TRIO: variants seen among roughly 807,000 people sequenced by gnomAD.
TRIO encodes the protein triple functional domain protein.
Under a neutral mutation model 351.9 loss-of-function variants are expected in TRIO, and 58 were observed. That is an observed-to-expected ratio of 0.16 (90% CI 0.13 to 0.21). The LOEUF (loss-of-function observed/expected upper bound fraction) is 0.21, where lower values mean the gene tolerates loss of function less well. Among genes scored for constraint, TRIO ranks in the 10% least tolerant of loss-of-function variants. The pLI is 1.00. For synonymous variants in TRIO, 1,758 were observed against 1,595.7 expected, an observed-to-expected ratio of 1.10 and a Z score of -2.42; for missense variants, 3,201 against 4,027.8, an observed-to-expected ratio of 0.79 and a Z score of 5.56.
intron 33 of TRIO, among the ~76,000 whole-genome samples, chr5:14,417,871 A>G (rs1278599641): frequency 1.3e-5 from 2 of 152,190 alleles, no homozygotes; most frequent in Non-Finnish European, 2.9e-5. Flanking sequence ...GATGCGGAGC[A>G]CAGTGCGAGG....
intron 37 of TRIO, among the ~76,000 whole-genome samples, chr5:14,469,145 AAAC>A (rs1166898573): frequency 2.0e-5 from 3 of 152,252 alleles, no homozygotes; most frequent in Non-Finnish European, 2.9e-5. Context: ...GATGTTAGAA[AAAC>A]AACAAAATAA....
intron 8 of TRIO, among the ~76,000 whole-genome samples, chr5:14,306,574 C>T (rs533058796): frequency 6.6e-6 from 1 of 152,352 alleles, no homozygotes; most frequent in Admixed American, 6.5e-5. Flanking sequence ...TGCTTTGGAG[C>T]TGTTCTTTGA....
chr5:14,355,883 A>G lies in TRIO; in HGVS notation c.2047-2295A>G, dbSNP rs79515925. On this transcript the variant is annotated intron_variant, in intron 11 of 56. Transcript: ENST00000344204. ...TTCTTTCTGATACCAGCTTTTGGGCATAGTACTTCATCACCTGGGGCTTCT... is the reference window on the plus strand; with the variant it reads ...TTCTTTCTGATACCAGCTTTTGGGCGTAGTACTTCATCACCTGGGGCTTCT... Among the ~76,000 whole-genome samples, 866 of 152,318 alleles carry G rather than the reference A, an allele frequency of 5.7e-3. 1 individual carries two copies. The highest frequency in any genetic ancestry group is 0.01 in the Non-Finnish European group (706 of 68,020).
intron 9 of TRIO, among the ~76,000 whole-genome samples, chr5:14,323,642 T>C (rs773241121): frequency 2.2e-4 from 34 of 152,244 alleles, no homozygotes; most frequent in Non-Finnish European, 4.6e-4. Context: ...GCATGGCGAT[T>C]AGACAGCTGG....
At chr5:14,503,753 G>T (rs1257572751) in intron 54 of TRIO, among the ~76,000 whole-genome samples, 1 of 152,186 alleles carries the variant, frequency 6.6e-6, no homozygotes. Context: ...CAAAACCGTG[G>T]CCTTTAACCA....
At chr5:14,217,774 T>C (rs958074999) in intron 1 of TRIO, among the ~76,000 whole-genome samples, 1 of 152,142 alleles carries the variant, frequency 6.6e-6, no homozygotes, top group African/African-American at 2.4e-5. Flanking sequence ...GGGCCTCTGG[T>C]GTGTGATTGT....
At chr5:14,264,768 G>C (rs772695026) in intron 1 of TRIO, among the ~76,000 whole-genome samples, 2 of 152,214 alleles carry the variant, frequency 1.3e-5, no homozygotes, top group Non-Finnish European at 2.9e-5. Flanking sequence ...ATAATCCTGC[G>C]GGCTCCGCAG....
intron 6 of TRIO, among the ~76,000 whole-genome samples, chr5:14,294,318 A>G (rs1320919187): frequency 6.6e-6 from 1 of 152,260 alleles, no homozygotes; most frequent in African/African-American, 2.4e-5. Flanking sequence ...AGATTTTGCA[A>G]TATAATTTTT....
Position 14,508,095 on chromosome 5 carries a change from G to C in TRIO, c.8967G>C (p.Val2989=), listed in dbSNP as rs148352486. The C allele has an allele frequency of 6.5e-5, 105 of 1,614,094 alleles. No individual in the cohort carries two copies. The highest frequency in any genetic ancestry group is 8.5e-5 in the Non-Finnish European group (100 of 1,180,056). Residue 2989 remains valine, a synonymous_variant, in exon 57 of 57, where the codon GTG becomes GTC. Coordinates refer to ENST00000344204, the MANE Select transcript of TRIO (RefSeq NM_007118.4). ...TCACATACGTACTTCTTAGTGGCGTGTCCCCCTTCCTGGATGACAGTGTGG... is the reference window on the plus strand; with the variant it reads ...TCACATACGTACTTCTTAGTGGCGTCTCCCCCTTCCTGGATGACAGTGTGG... ...GVLTYVLLSG[V]SPFLDDSVEE...
At chr5:14,158,625 A>G (rs1340232539) in intron 1 of TRIO, among the ~76,000 whole-genome samples, 1 of 152,186 alleles carries the variant, frequency 6.6e-6, no homozygotes, top group African/African-American at 2.4e-5. Context: ...TGAGCCCAGC[A>G]GTTTGAGACC....
At chr5:14,306,843 G>A (rs1738417957) in intron 8 of TRIO, among the ~76,000 whole-genome samples, 1 of 152,086 alleles carries the variant, frequency 6.6e-6, no homozygotes, top group Admixed American at 6.5e-5. Context: ...CTATAAAAAT[G>A]GGGCATCTTG....
intron 1 of TRIO, among the ~76,000 whole-genome samples, chr5:14,229,256 T>G (rs368012316): frequency 6.6e-6 from 1 of 152,236 alleles, no homozygotes; most frequent in African/African-American, 2.4e-5. Context: ...ATAAATACTT[T>G]AGTCTCTATC....
intron 33 of TRIO, among the ~76,000 whole-genome samples, chr5:14,416,272 A>G (rs1302717498): frequency 6.0e-5 from 9 of 148,832 alleles, no homozygotes; most frequent in Admixed American, 1.4e-4. Context: ...AATAGTTATC[A>G]CAAGTCTTTT....
chr5:14,423,048 G>T (rs1034382741), intron 34 of TRIO, among the ~76,000 whole-genome samples: 3 of 152,232 alleles, frequency 2.0e-5, no homozygotes, highest in Admixed American at 1.3e-4. Flanking sequence ...CTTCGTGTCT[G>T]ATGGCGCCTT....
Position 14,406,662 on chromosome 5 carries a change from A to G in TRIO, c.4949A>G (p.Asp1650Gly), listed in dbSNP as rs1440179550. The G allele has an allele frequency of 6.2e-7, 1 of 1,613,940 alleles. No individual in the cohort carries two copies. The highest frequency in any genetic ancestry group is 1.3e-5 in the African/African-American group (1 of 75,060). The part of the protein sequence containing the change: ...IASRTSQNTL[D>G]SDKLSGGCEL... ...TCACGGACGTCTCAGAACACGCTGG[A>G]CAGCGATAAGGTGAGTCACTGCCGG... The change falls in exon 33 of 57, where the codon GAC becomes GGC. Residue 1650 changes from aspartate (D) to glycine (G), a missense_variant. By Grantham distance (94) the Asp-to-Gly change is moderately conservative (BLOSUM62 -1). Coordinates refer to ENST00000344204, the MANE Select transcript of TRIO (RefSeq NM_007118.4).
intron 48 of TRIO, 148 bp downstream of exon 48, chr5:14,488,408 C>G (rs1025544423): frequency 1.2e-5 from 15 of 1,265,228 alleles, no homozygotes; most frequent in Middle Eastern, 2.7e-4. Flanking sequence ...GCTAACCCTC[C>G]TGCGGGCCGG....
chr5:14,398,661 T>C (rs993947113), intron 29 of TRIO, among the ~76,000 whole-genome samples: 3 of 152,114 alleles, frequency 2.0e-5, no homozygotes, highest in Non-Finnish European at 2.9e-5. Flanking sequence ...TCGCAAAATG[T>C]TTTTGAACAA....
At chr5:14,479,465 G>C (rs997791441) in intron 42 of TRIO, 115 bp downstream of exon 42, 9 of 837,036 alleles carry the variant, frequency 1.1e-5, no homozygotes, top group East Asian at 2.7e-5. Flanking sequence ...AAATTAGCCT[G>C]AGTGATAAGA....
At chr5:14,295,497 T>C (rs1737278060) in intron 6 of TRIO, among the ~76,000 whole-genome samples, 1 of 152,222 alleles carries the variant, frequency 6.6e-6, no homozygotes, top group African/African-American at 2.4e-5. Context: ...GCTGTTACAA[T>C]CTAGGAATGG....
Sources: allele counts gnomAD v4.1 joint callset (sites outside exome capture counted in the v4.1 genomes callset), GRCh38; gene constraint gnomAD v4.1.1; transcripts MANE v1.5; gene names NCBI Gene and HGNC (gene_info 2026-07-23, HGNC 2026-07-21).